The following PNPT1 variants were observed in gnomAD, a reference collection of about 807,000 sequenced individuals.
PNPT1 encodes the protein polyribonucleotide nucleotidyltransferase 1, mitochondrial.
A neutral mutation model predicts 119.5 loss-of-function variants in PNPT1; 53 were observed. The ratio of observed to expected loss-of-function variants is 0.44; its 90% CI spans 0.36 to 0.56. The LOEUF (loss-of-function observed/expected upper bound fraction) is 0.56, where lower values mean the gene tolerates loss of function less well. PNPT1 is among the 20% of genes least tolerant of loss of function. PNPT1 has a pLI of 0.00. For missense variants in PNPT1, 948 were observed against 938.5 expected (o/e 1.01, Z -0.13); for synonymous variants, 357 against 322.1 (o/e 1.11, Z -1.16).
intron 3 of PNPT1, 150 bp downstream of exon 3, chr2:55,686,218 ACT>A: frequency 1.6e-6 from 1 of 639,308 alleles, no homozygotes; most frequent in South Asian, 2.2e-5. Flanking sequence ...AGCAGTTTAT[ACT>A]CTTTTAATGA....
Position 55,639,084 on chromosome 2 carries a change from T to A in PNPT1, c.2149-1485A>T, listed in dbSNP as rs560654480. ...AGCCACTGCACCTGGCCCAAGGACA[T>A]CTTTTCATATCAATAAATTAAGAAT... On this transcript the variant is annotated intron_variant, in intron 26 of 27. Coordinates refer to ENST00000447944, the MANE Select transcript of PNPT1 (RefSeq NM_033109.5). Among the ~76,000 whole-genome samples, 61 of 152,260 alleles carry A rather than the reference T, an allele frequency of 4.0e-4. No homozygotes were observed. In the Middle Eastern group the frequency reaches 0.024, roughly 59 times the overall value.
intron 1 of PNPT1, among the ~76,000 whole-genome samples, chr2:55,691,652 G>C (rs1697603268): frequency 6.6e-6 from 1 of 151,986 alleles, no homozygotes; most frequent in Admixed American, 6.6e-5. Context: ...CACAGTATGT[G>C]TCTGTTGAAT....
chr2:55,678,615 C>G (rs374181469), intron 8 of PNPT1, among the ~76,000 whole-genome samples: 2 of 152,212 alleles, frequency 1.3e-5, no homozygotes, highest in African/African-American at 4.8e-5. Context: ...GACGAGGCCA[C>G]ATCTTGAGGA....
intron 19 of PNPT1, 42 bp downstream of exon 19, chr2:55,647,305 T>C: frequency 7.1e-7 from 1 of 1,414,636 alleles, no homozygotes; most frequent in Admixed American, 2.0e-5. Context: ...TATTTATTTT[T>C]AGTCTTCATT....
At chr2:55,654,008 C>A (rs1186424980) in intron 18 of PNPT1, among the ~76,000 whole-genome samples, 1 of 152,082 alleles carries the variant, frequency 6.6e-6, no homozygotes, top group Non-Finnish European at 1.5e-5. Flanking sequence ...CCTGTAATCC[C>A]AGCACTTTGG....
intron 5 of PNPT1, among the ~76,000 whole-genome samples, chr2:55,682,106 G>A (rs540268169): frequency 6.6e-6 from 1 of 152,184 alleles, no homozygotes; most frequent in South Asian, 2.1e-4. Context: ...TCGCGCCACT[G>A]TACTCCAGCC....
Position 55,656,175 on chromosome 2 carries a change from A to C in PNPT1, c.1397T>G (p.Phe466Cys). Residue 466 changes from phenylalanine to cysteine, a missense_variant, in exon 17 of 28, where the codon TTT becomes TGT. Coordinates refer to ENST00000447944, the MANE Select transcript of PNPT1 (RefSeq NM_033109.5). ...KALYPVIPRD[F>C]PFTIRVTSEV... The stretch of plus-strand genomic sequence containing the variant: ...AGATGTAACTCTTATGGTGAAAGGA[A>C]AATCTCGGGGAATAACAGGATACAA... 1 of 1,613,606 alleles carries C rather than the reference A, an allele frequency of 6.2e-7. No homozygotes were observed. The highest frequency in any genetic ancestry group is 1.1e-5 in the South Asian group (1 of 91,050).
intron 10 of PNPT1, 59 bp downstream of exon 10, chr2:55,671,936 G>T: frequency 7.8e-7 from 1 of 1,289,036 alleles, no homozygotes; most frequent in Non-Finnish European, 1.1e-6. Context: ...AATTACATGA[G>T]TTATGACAAA....
intron 5 of PNPT1, 106 bp downstream of exon 5, chr2:55,683,679 A>C (rs1697314517): frequency 1.9e-6 from 2 of 1,079,610 alleles, no homozygotes; most frequent in South Asian, 3.2e-5. Flanking sequence ...CAGTATCATA[A>C]AAAATTCTTA....
chr2:55,670,119 C>T (rs2104116629), intron 11 of PNPT1, among the ~76,000 whole-genome samples: 1 of 151,614 alleles, frequency 6.6e-6, no homozygotes, highest in South Asian at 2.1e-4. Flanking sequence ...GAAAAATTAA[C>T]AAAAACTATG....
chr2:55,681,681 C>A (rs1697252878), intron 5 of PNPT1, among the ~76,000 whole-genome samples: 1 of 151,420 alleles, frequency 6.6e-6, no homozygotes, highest in Non-Finnish European at 1.5e-5. Flanking sequence ...CCTGTCTCTA[C>A]TAAAAATACA....
chr2:55,667,123 A>C lies in PNPT1; in HGVS notation c.1074-30T>G, dbSNP rs554774225. Reference sequence around the variant, plus strand: ...AGTGATATAGGAAATAAGTACATTAAGTAACGCTGGAAACAGAAAAATCAC... The same window carrying C: ...AGTGATATAGGAAATAAGTACATTACGTAACGCTGGAAACAGAAAAATCAC... On this transcript the variant is annotated intron_variant, in intron 12 of 27. Transcript: ENST00000447944. 66 of 1,532,338 alleles carry C rather than the reference A, an allele frequency of 4.3e-5. No homozygotes were observed. The East Asian group carries it at 1.4e-3, about 33-fold the overall frequency. The allele number at this position is 1,532,338 out of a possible 1,614,324, so 94.9% of individuals were successfully genotyped here.
intron 27 of PNPT1, among the ~76,000 whole-genome samples, chr2:55,636,700 A>G (rs938883020): frequency 2.6e-5 from 4 of 152,212 alleles, no homozygotes; most frequent in Non-Finnish European, 4.4e-5. Context: ...GAATGATCCT[A>G]GACAAGGGCT....
Position 55,646,439 on chromosome 2 carries a change from A to G in PNPT1, c.1650T>C (p.Thr550=). The change falls in exon 20 of 28, where the codon ACT becomes ACC. Residue 550 remains threonine, a synonymous_variant. Transcript: ENST00000447944. ...CCTGTAATGCAGTTATTCCTTTATT[A>G]GTGCCAGCTATTTTGAAGTCCATGT... The part of the protein sequence containing the change: ...NGDMDFKIAG[T]NKGITALQAD... The G allele has an allele frequency of 1.2e-6, 2 of 1,612,816 alleles. No individual in the cohort carries two copies. Among genetic ancestry groups the G allele is most frequent in the East Asian group, 2.2e-5 (1 of 44,780 alleles).
intron 1 of PNPT1, among the ~76,000 whole-genome samples, chr2:55,689,080 CAAAAG>C (rs771496880): frequency 2.6e-5 from 4 of 151,304 alleles, no homozygotes; most frequent in Admixed American, 2.6e-4. Flanking sequence ...GCATAAATGA[CAAAAG>C]AAAAAAATAG....
At chr2:55,658,394 TGAA>T (rs1696459364) in intron 15 of PNPT1, among the ~76,000 whole-genome samples, 1 of 152,204 alleles carries the variant, frequency 6.6e-6, no homozygotes, top group Admixed American at 6.5e-5. Flanking sequence ...GAGATTGGGA[TGAA>T]GAACATGGAG....
chr2:55,683,655 A>C (rs1697313945), intron 5 of PNPT1, 130 bp downstream of exon 5: 1 of 782,982 alleles, frequency 1.3e-6, no homozygotes, highest in Non-Finnish European at 2.0e-6. Context: ...TCAAAAACGT[A>C]ATGTAAAATA....
intron 21 of PNPT1, among the ~76,000 whole-genome samples, chr2:55,645,687 A>G (rs1311814744): frequency 6.6e-6 from 1 of 152,104 alleles, no homozygotes; most frequent in Non-Finnish European, 1.5e-5. Flanking sequence ...CCAAAAACTT[A>G]GTTGTGCTTC....
chr2:55,689,493 G>A (rs1256340504), intron 1 of PNPT1, among the ~76,000 whole-genome samples: 1 of 152,020 alleles, frequency 6.6e-6, no homozygotes, highest in Non-Finnish European at 1.5e-5. Flanking sequence ...AGCTAAATGT[G>A]GTATAATCCA....
Sources: allele counts gnomAD v4.1 joint callset (sites outside exome capture counted in the v4.1 genomes callset), GRCh38; gene constraint gnomAD v4.1.1; transcripts MANE v1.5; gene names NCBI Gene and HGNC (gene_info 2026-07-23, HGNC 2026-07-21).